Variants in COL22A1 observed in about 807,000 individuals in gnomAD.
COL22A1 encodes the protein collagen alpha-1(XXII) chain.
Under a neutral mutation model 248.9 loss-of-function variants are expected in COL22A1, and 221 were observed. That is an observed-to-expected ratio of 0.89 (90% CI 0.80 to 0.99). The LOEUF (loss-of-function observed/expected upper bound fraction) is 0.99. Ranked by LOEUF, COL22A1 falls within the 50% of genes least tolerant of loss-of-function variation. COL22A1 has a pLI of 0.00. For missense variants in COL22A1, 2,240 were observed against 2,179.0 expected (o/e 1.03, Z -0.56); for synonymous variants, 891 against 793.4 (o/e 1.12, Z -2.07).
At chr8:138,831,285 T>A (rs1311289497) in intron 5 of COL22A1, among the ~76,000 whole-genome samples, 2 of 152,164 alleles carry the variant, frequency 1.3e-5, no homozygotes, top group Non-Finnish European at 1.5e-5. Flanking sequence ...TGAAAGAACA[T>A]TTTCACTCCT....
intron 43 of COL22A1, among the ~76,000 whole-genome samples, chr8:138,660,827 C>A (rs202087805): frequency 7.4e-6 from 1 of 135,416 alleles, no homozygotes; most frequent in African/African-American, 2.7e-5. Context: ...CATACACACA[C>A]ATACACACAC....
rs565280096 is a variant in COL22A1 at position 138,668,976 on chromosome 8, G to A, written c.3151-5236C>T. ...TGAGGCAGAGATGTCTCTGGCAGAG[G>A]AGAACACTACGCAAAGAGGAGAAGT... is the stretch of plus-strand genomic sequence containing the variant. On this transcript the variant is annotated intron_variant, in intron 41 of 64. Transcript: ENST00000303045. 3.9e-5 allele frequency among the ~76,000 whole-genome samples: 6 copies of A among 152,320 alleles called. No individual in the cohort carries two copies. The East Asian group carries it at 9.7e-4, about 25-fold the overall frequency.
At chr8:138,713,885 T>G (rs1302688212) in intron 30 of COL22A1, among the ~76,000 whole-genome samples, 1 of 152,162 alleles carries the variant, frequency 6.6e-6, no homozygotes, top group Non-Finnish European at 1.5e-5. Flanking sequence ...CTATCCTGGG[T>G]GCTGGCTTGG....
chr8:138,831,998 T>C (rs1000887282), intron 5 of COL22A1, among the ~76,000 whole-genome samples: 13 of 152,094 alleles, frequency 8.5e-5, no homozygotes, highest in Non-Finnish European at 1.6e-4. Context: ...AAGACCTTGC[T>C]GATAAAACAG....
Position 138,802,917 on chromosome 8 carries a change from A to G in COL22A1, c.1512T>C (p.Ile504=). ...TAGGTCCAGGAGCGCCAACCGGCCC[A>G]ATGGCTCCTATGTCTCCCTGAGGGG... ...LPGPKGDIGA[I]GPVGAPGPKG... The change falls in exon 11 of 65, where the codon ATT becomes ATC. Residue 504 remains isoleucine, a synonymous_variant. Transcript: ENST00000303045. 6.2e-7 allele frequency: 1 copy of G among 1,613,940 alleles called. No individual in the cohort carries two copies. The highest frequency in any genetic ancestry group is 1.1e-5 in the South Asian group (1 of 91,080).
In COL22A1 at chr8:138,716,538, C is replaced by G. The variant is rs186319367; in HGVS notation, c.2401-249G>C. Among the ~76,000 whole-genome samples, 21 of 152,252 alleles carry G rather than the reference C, an allele frequency of 1.4e-4. No individual in the cohort carries two copies. The East Asian group carries it at 3.5e-3, about 25-fold the overall frequency. On this transcript the variant is annotated intron_variant, in intron 28 of 64. Transcript: ENST00000303045. Reference sequence around the variant, plus strand: ...ACCCTTATTTTGCCTCTCCTGGTGTCTAACCCTTCCTGTTTCTTTAGGACT... The same window carrying G: ...ACCCTTATTTTGCCTCTCCTGGTGTGTAACCCTTCCTGTTTCTTTAGGACT...
intron 3 of COL22A1, among the ~76,000 whole-genome samples, chr8:138,875,965 C>G (rs1300698714): frequency 2.6e-5 from 4 of 152,302 alleles, no homozygotes; most frequent in Admixed American, 2.6e-4. Context: ...TGCTGGATCT[C>G]TCACAATTAT....
At chr8:138,638,485 G>T (rs959608345) in intron 47 of COL22A1, among the ~76,000 whole-genome samples, 1 of 152,090 alleles carries the variant, frequency 6.6e-6, no homozygotes, top group African/African-American at 2.4e-5. Flanking sequence ...ATCAAGTCCA[G>T]CCCTCTTTCA....
chr8:138,693,156 G>A (rs1827223681), intron 35 of COL22A1, among the ~76,000 whole-genome samples: 1 of 152,158 alleles, frequency 6.6e-6, no homozygotes. Flanking sequence ...AATACACCCT[G>A]GATCTGGCCC....
At chr8:138,890,262 T>G (rs1219913824) in intron 1 of COL22A1, among the ~76,000 whole-genome samples, 1 of 152,158 alleles carries the variant, frequency 6.6e-6, no homozygotes, top group East Asian at 1.9e-4. Flanking sequence ...TATGAAAAAT[T>G]CACAGCTAAC....
intron 16 of COL22A1, 119 bp from the exon 17 acceptor site, chr8:138,762,585 C>T (rs1025698999): frequency 8.7e-6 from 6 of 685,848 alleles, no homozygotes; most frequent in African/African-American, 1.8e-5. Context: ...GCCAAACGCA[C>T]GTGCACACAC....
chr8:138,704,637 A>C (rs1363099688), intron 30 of COL22A1, among the ~76,000 whole-genome samples: 1 of 152,088 alleles, frequency 6.6e-6, no homozygotes, highest in African/African-American at 2.4e-5. Context: ...ACCATCATCA[A>C]AGACCAAAGG....
chr8:138,715,915 C>G (rs1007741421), intron 29 of COL22A1, among the ~76,000 whole-genome samples, 180 bp from the exon 30 acceptor site: 1 of 152,140 alleles, frequency 6.6e-6, no homozygotes, highest in African/African-American at 2.4e-5. Flanking sequence ...GGGAACTAGT[C>G]AGTTAGGCGT....
At chr8:138,765,360 C>A (rs1483294492) in intron 16 of COL22A1, among the ~76,000 whole-genome samples, 1 of 152,106 alleles carries the variant, frequency 6.6e-6, no homozygotes, top group African/African-American at 2.4e-5. Context: ...AACTGGGAGC[C>A]CTAGGGTGCA....
intron 18 of COL22A1, among the ~76,000 whole-genome samples, chr8:138,757,556 A>G (rs1026206202): frequency 2.1e-4 from 32 of 152,348 alleles, no homozygotes; most frequent in African/African-American, 7.2e-4. Context: ...ATAAGGGCCA[A>G]TGTTCCAACA....
rs1347010167 is a variant in COL22A1, at chr8:138,914,016, G to C, written c.-470C>G. On this transcript the variant is annotated 5_prime_UTR_variant, in exon 1 of 65. Coordinates refer to ENST00000303045, the MANE Select transcript of COL22A1 (RefSeq NM_152888.3). Reference sequence around the variant, plus strand: ...CCCGCCACTGCCCAGGAACAAAGCTGTCTGGAGCCTCCCCAGGGGCAAGCT... The same window carrying C: ...CCCGCCACTGCCCAGGAACAAAGCTCTCTGGAGCCTCCCCAGGGGCAAGCT... 6.6e-6 allele frequency: 1 copy of C among 152,408 alleles called. No individual in the cohort carries two copies. The highest frequency in any genetic ancestry group is 1.5e-5 in the Non-Finnish European group (1 of 68,196). The allele number at this position is 152,408 out of a possible 1,614,324, so 9.4% of individuals were successfully genotyped here. A position where few individuals can be genotyped will look rare whatever the true frequency, so the allele number is the denominator to read the frequency against.
At chr8:138,776,103 T>C (rs1185741040) in intron 15 of COL22A1, 93 bp from the exon 16 acceptor site, 1 of 1,276,176 alleles carries the variant, frequency 7.8e-7, no homozygotes, top group African/African-American at 1.5e-5. Flanking sequence ...GCCTGGCAGC[T>C]TCCAGCCCAG....
chr8:138,715,747 G>T lies in COL22A1; in HGVS notation c.2464-12C>A. On this transcript the variant is annotated splice_polypyrimidine_tract_variant and intron_variant, in intron 29 of 64. Transcript: ENST00000303045. Reference sequence around the variant, plus strand: ...TCACCTTTTTCTCCCTATAATAAAAGATAAAATTAGAAAACATTAGAACCC... The same window carrying T: ...TCACCTTTTTCTCCCTATAATAAAATATAAAATTAGAAAACATTAGAACCC... 6.3e-7 allele frequency: 1 copy of T among 1,597,922 alleles called. No individual in the cohort carries two copies. The highest frequency in any genetic ancestry group is 8.6e-7 in the Non-Finnish European group (1 of 1,168,308).
chr8:138,895,806 C>T (rs976474360), intron 1 of COL22A1, among the ~76,000 whole-genome samples: 1 of 152,100 alleles, frequency 6.6e-6, no homozygotes, highest in Non-Finnish European at 1.5e-5. Context: ...AGCTGTAGAT[C>T]CTATTTATCC....
Sources: gnomAD v4.1 joint callset for allele counts (sites outside exome capture counted in the v4.1 genomes callset) on GRCh38, gnomAD v4.1.1 for gene constraint, MANE v1.5 for transcripts, NCBI Gene and HGNC (gene_info 2026-07-23, HGNC 2026-07-21) for gene names.